The following PER1 variants were observed in gnomAD, a reference collection of about 807,000 sequenced individuals.
PER1 encodes the protein period circadian regulator 1.
Under a neutral mutation model 125.9 loss-of-function variants are expected in PER1, and 87 were observed. The observed-to-expected ratio is 0.69, with a 90% CI of 0.58 to 0.83. PER1 has a LOEUF of 0.83. PER1 is among the 40% of genes least tolerant of loss of function. The pLI, the probability that PER1 is intolerant of heterozygous loss-of-function variation, is 0.00. For synonymous variants in PER1, 801 were observed against 714.7 expected (o/e 1.12, Z -1.93); for missense variants, 1,775 against 1,722.8 (o/e 1.03, Z -0.54).
rs904400300 is a variant in PER1, at chr17:8,142,198, C to G, written c.3449+71G>C. 6 of 1,303,720 alleles carry G rather than the reference C, an allele frequency of 4.6e-6. No homozygotes were observed. The African/African-American group carries it at 7.4e-5, about 16-fold the overall frequency. The allele number at this position is 1,303,720 out of a possible 1,614,324, so 80.8% of individuals were successfully genotyped here. The stretch of plus-strand genomic sequence containing the variant: ...TTTATCCTATCCAGGGCAGAGCCAG[C>G]CCCAGAAAAGAAAACTGCCCCCACT... On this transcript the variant is annotated intron_variant, in intron 21 of 22. Transcript: ENST00000317276.
At chr17:8,146,339 G>C in intron 16 of PER1, 33 bp downstream of exon 16, 2 of 1,575,692 alleles carry the variant, frequency 1.3e-6, no homozygotes, top group African/African-American at 2.7e-5. Flanking sequence ...GGCCAGGACG[G>C]GGCAGTGGGA....
At position 8,150,495 on chromosome 17, in the gene PER1, T is replaced by G; in HGVS notation, c.212A>C (p.His71Pro). Residue 71 changes from histidine to proline, a missense_variant, in exon 2 of 23, where the codon CAC (histidine) becomes CCC (proline). By Grantham distance (77) the His-to-Pro change is moderately conservative. Transcript: ENST00000317276. The part of the protein sequence containing the change: ...ESRGASQRSS[H>P]SSSSGNGKDS... Reference sequence around the variant, plus strand: ...CTTGCCGTTGCCTGAGGAGGAGCTGTGTGAGCTCCGCTGAGATGCGCCTCT... The same window carrying G: ...CTTGCCGTTGCCTGAGGAGGAGCTGGGTGAGCTCCGCTGAGATGCGCCTCT... 6.2e-7 allele frequency: 1 copy of G among 1,614,062 alleles called. No individual in the cohort carries two copies. The highest frequency in any genetic ancestry group is 8.5e-7 in the Non-Finnish European group (1 of 1,179,958).
rs780199364 is a variant in PER1 at position 8,147,268 on chromosome 17, C to G, written c.1611G>C (p.Gly537=). The change falls in exon 13 of 23, where the codon GGG becomes GGC. Residue 537 remains glycine (G), a synonymous_variant. Coordinates refer to ENST00000317276, the MANE Select transcript of PER1 (RefSeq NM_002616.3). ...SSDSNGGDAE[G]PGPPAPVTFQ... ...CACTCACTGGCGCAGGAGGCCCAGG[C>G]CCCTCTGCATCACCCCCGTTGCTAT... The G allele has an allele frequency of 6.2e-7, 1 of 1,610,912 alleles. No homozygotes were observed. Among genetic ancestry groups the G allele is most frequent in the Non-Finnish European group, 8.5e-7 (1 of 1,178,712 alleles).
At position 8,142,687 on chromosome 17, in the gene PER1, C is replaced by A; in HGVS notation, c.3221G>T (p.Gly1074Val). ...TGAGGTGCTGCCCCCTTCATGGGAG[C>A]CTGAACCAGACCCAGAGCCCAAGCC... ...GSGLGSGSGSGSHEGGSTSAS... is the reference protein window; with the variant it reads ...GSGLGSGSGSVSHEGGSTSAS... Residue 1074 changes from glycine (G) to valine (V), a missense_variant, in exon 20 of 23, where the codon GGC becomes GTC. Transcript: ENST00000317276. 6.2e-7 allele frequency: 1 copy of A among 1,613,988 alleles called. No individual in the cohort carries two copies.
At position 8,142,829 on chromosome 17, in the gene PER1, C is replaced by A. The variant is rs12937495; in HGVS notation, c.3079G>T (p.Val1027Phe). 11 of 1,598,604 alleles carry A rather than the reference C, an allele frequency of 6.9e-6. No individual in the cohort carries two copies. Among genetic ancestry groups the A allele is most frequent in the Non-Finnish European group, 8.5e-6 (10 of 1,174,954 alleles). ...AAEPEARLAE[V>F]TESSNQDALS... ...GCGTCCTGATTGGAGGACTCAGTGA[C>A]CTCCGCCTGGAGGAGGGGAGGGGGG... Residue 1027 changes from valine to phenylalanine, a missense_variant, in exon 20 of 23, where the codon GTC (valine) becomes TTC (phenylalanine). Physicochemically the swap from Val to Phe is conservative, Grantham distance 50. Transcript: ENST00000317276.
In PER1 at chr17:8,146,515, A is replaced by G. The variant is rs1211733055; in HGVS notation, c.1908-13T>C. The G allele has an allele frequency of 6.2e-7, 1 of 1,610,550 alleles. No homozygotes were observed. Among genetic ancestry groups the G allele is most frequent in the East Asian group, 2.2e-5 (1 of 44,866 alleles). The stretch of plus-strand genomic sequence containing the variant: ...GCTCTCCAGGTACCTGGGGATGGAC[A>G]CAGCACAGGGCATCAGAGCAGGGCT... On this transcript the variant is annotated splice_polypyrimidine_tract_variant and intron_variant, in intron 15 of 22. Coordinates refer to ENST00000317276, the MANE Select transcript of PER1 (RefSeq NM_002616.3).
At position 8,149,891 on chromosome 17, in the gene PER1, C is replaced by T. The variant is rs1263473557; in HGVS notation, c.530-15G>A. Reference sequence around the variant, plus strand: ...TTCCTGGTTGGCTGCAGAGTGGAGGCAGTGAGGCATTCAGTAAGGAGGCTG... The same window carrying T: ...TTCCTGGTTGGCTGCAGAGTGGAGGTAGTGAGGCATTCAGTAAGGAGGCTG... On this transcript the variant is annotated splice_polypyrimidine_tract_variant and intron_variant, in intron 4 of 22. Coordinates refer to ENST00000317276, the MANE Select transcript of PER1 (RefSeq NM_002616.3). 3 of 1,614,006 alleles carry T rather than the reference C, an allele frequency of 1.9e-6. No individual in the cohort carries two copies. The highest frequency in any genetic ancestry group is 1.1e-5 in the South Asian group (1 of 91,090).
At chr17:8,145,872 C>A in intron 17 of PER1, 86 bp downstream of exon 17, 1 of 1,450,896 alleles carries the variant, frequency 6.9e-7, no homozygotes, top group Non-Finnish European at 9.3e-7. Context: ...TCCATCAGGC[C>A]CTAGAGGGGA....
Position 8,142,849 on chromosome 17 carries a change from G to A in PER1, c.3073-14C>T, listed in dbSNP as rs770940191. 5.1e-6 allele frequency: 8 copies of A among 1,570,946 alleles called. No homozygotes were observed. Among genetic ancestry groups the A allele is most frequent in the South Asian group, 2.3e-5 (2 of 88,390 alleles). The stretch of plus-strand genomic sequence containing the variant: ...AGTGACCTCCGCCTGGAGGAGGGGA[G>A]GGGGGCAAGGAGGGATGGAGGGGTC... On this transcript the variant is annotated splice_polypyrimidine_tract_variant and intron_variant, in intron 19 of 22. Transcript: ENST00000317276.
chr17:8,141,470 G>T, intron 22 of PER1, 130 bp from the exon 23 acceptor site: 1 of 1,090,360 alleles, frequency 9.2e-7, no homozygotes, highest in African/African-American at 1.6e-5. Context: ...CCACACAGAT[G>T]CACCTGCGGT....
rs1647518580 is a variant in PER1, at chr17:8,146,751, T to C, written c.1750A>G (p.Lys584Glu). 6.2e-7 allele frequency: 1 copy of C among 1,611,382 alleles called. No individual in the cohort carries two copies. Among genetic ancestry groups the C allele is most frequent in the Non-Finnish European group, 8.5e-7 (1 of 1,179,136 alleles). Residue 584 changes from lysine (K) to glutamate (E), a missense_variant, in exon 15 of 23, where the codon AAG (lysine) becomes GAG (glutamate). Lys to Glu is a moderately conservative substitution (Grantham distance 56, BLOSUM62 1). Transcript: ENST00000317276. ...GATTGGCAGGGAAGGGCCTTGGCCT[T>C]GAACGTGCCTGTAGCTGGGGCAAAG... ...RPRLPATGTF[K>E]AKALPCQSPD...
Position 8,146,900 on chromosome 17 carries a change from G to A in PER1, c.1732C>T (p.Pro578Ser). ...RARPQSRPRL[P>S]ATGTFKAKAL... is the part of the protein sequence containing the mutation. ...CCACACATCATCATCAACTCACCAG[G>A]GAGGCGGGGCCGGGACTGAGGCCGG... The change falls in exon 14 of 23, where the codon CCT (proline) becomes TCT (serine). Residue 578 changes from proline to serine, a missense_variant. By Grantham distance (74) the Pro-to-Ser change is moderately conservative. Coordinates refer to ENST00000317276, the MANE Select transcript of PER1 (RefSeq NM_002616.3). 1 of 1,613,752 alleles carries A rather than the reference G, an allele frequency of 6.2e-7. No individual in the cohort carries two copies. Among genetic ancestry groups the A allele is most frequent in the Non-Finnish European group, 8.5e-7 (1 of 1,179,822 alleles).
chr17:8,143,744 G>A lies in PER1; in HGVS notation c.2594C>T (p.Ser865Phe). The A allele has an allele frequency of 6.5e-7, 1 of 1,536,572 alleles. No individual in the cohort carries two copies. The highest frequency in any genetic ancestry group is 8.9e-7 in the Non-Finnish European group (1 of 1,126,728). The change falls in exon 19 of 23, where the codon TCC becomes TTC. Residue 865 changes from serine (S) to phenylalanine (F), a missense_variant. Ser to Phe is a radical substitution (Grantham distance 155). Coordinates refer to ENST00000317276, the MANE Select transcript of PER1 (RefSeq NM_002616.3). The stretch of plus-strand genomic sequence containing the variant: ...GGCTGGTGGGGTGGGCCAGGGGGTG[G>A]AGGGTGGCACGGGTGAGGGGTGTGA... The part of the protein sequence containing the change: ...YVSHPSPVPP[S>F]TPWPTPPATT...
chr17:8,146,421 A>G lies in PER1; in HGVS notation c.1989T>C (p.Ser663=). 6.2e-7 allele frequency: 1 copy of G among 1,613,634 alleles called. No homozygotes were observed. The highest frequency in any genetic ancestry group is 8.5e-7 in the Non-Finnish European group (1 of 1,179,820). The change falls in exon 16 of 23, where the codon TCT becomes TCC. Residue 663 remains serine (S), a synonymous_variant. Coordinates refer to ENST00000317276, the MANE Select transcript of PER1 (RefSeq NM_002616.3). Reference sequence around the variant, plus strand: ...GACCTGTCCTCTGCCTGTCGTCGTCAGAGGCTGAGGAGGTGGTATAGGAGG... The same window carrying G: ...GACCTGTCCTCTGCCTGTCGTCGTCGGAGGCTGAGGAGGTGGTATAGGAGG... ...SSSSYTTSSA[S]DDDRQRTGPV... is the part of the protein sequence containing the mutation.
Position 8,143,491 on chromosome 17 carries a change from A to T in PER1, c.2847T>A (p.Pro949=). 4 of 1,584,372 alleles carry T rather than the reference A, an allele frequency of 2.5e-6. No homozygotes were observed. Among genetic ancestry groups the T allele is most frequent in the Non-Finnish European group, 3.4e-6 (4 of 1,163,334 alleles). ...AGGATGGAGAAGGGGAGTGCGAGGC[A>T]GGAGTGGGAGGCCCTTCAGCAGGGG... ...LQTPAEGPPT[P]ASHSPSPSLP... is the part of the protein sequence containing the mutation. The change falls in exon 19 of 23, where the codon CCT becomes CCA. Residue 949 remains proline, a synonymous_variant. Coordinates refer to ENST00000317276, the MANE Select transcript of PER1 (RefSeq NM_002616.3).
intron 13 of PER1, 107 bp downstream of exon 13, chr17:8,147,143 G>A: frequency 1.4e-6 from 2 of 1,451,106 alleles, no homozygotes; most frequent in Non-Finnish European, 1.9e-6. Context: ...AAGGCAGGAA[G>A]GAGAGGGCAA....
At position 8,142,273 on chromosome 17, in the gene PER1, A is replaced by T; in HGVS notation, c.3445T>A (p.Ser1149Thr). Residue 1149 changes from serine to threonine, a missense_variant, in exon 21 of 23, where the codon TCC becomes ACC. Coordinates refer to ENST00000317276, the MANE Select transcript of PER1 (RefSeq NM_002616.3). ...AAGGCCTCTGAAATGCCTCACCTGGAGGGCACCTGGTAGGTCATCATGACG... is the reference window on the plus strand; with the variant it reads ...AAGGCCTCTGAAATGCCTCACCTGGTGGGCACCTGGTAGGTCATCATGACG... ...QRVMMTYQVP[S>T]RDMTSVLKQD... 1 of 1,589,050 alleles carries T rather than the reference A, an allele frequency of 6.3e-7. No homozygotes were observed. Among genetic ancestry groups the T allele is most frequent in the South Asian group, 1.1e-5 (1 of 87,528 alleles).
chr17:8,146,115 A>G lies in PER1; in HGVS notation c.2061T>C (p.Ser687=). 1 of 1,609,084 alleles carries G rather than the reference A, an allele frequency of 6.2e-7. No homozygotes were observed. The highest frequency in any genetic ancestry group is 1.1e-5 in the South Asian group (1 of 90,338). The change falls in exon 17 of 23, where the codon TCT becomes TCC. Residue 687 remains serine, a synonymous_variant. Coordinates refer to ENST00000317276, the MANE Select transcript of PER1 (RefSeq NM_002616.3). ...CCTTCCGTGGGGTGGCCCCCTCCCC[A>G]GACAGCGCTGCTGACGGCGGATCTG... The part of the protein sequence containing the change: ...TKKDPPSAAL[S]GEGATPRKEP...
chr17:8,140,683 G>A lies in PER1; in HGVS notation c.*385C>T, dbSNP rs942107000. ...TGGGCCTCAGGCTCTCCTCCCATCT[G>A]GGGAGGAGGTGGGAGAGAGAGCTGT... On this transcript the variant is annotated 3_prime_UTR_variant, in exon 23 of 23. Transcript: ENST00000317276. 2.8e-5 allele frequency: 7 copies of A among 253,428 alleles called. No homozygotes were observed. The highest frequency in any genetic ancestry group is 5.4e-5 in the Non-Finnish European group (7 of 128,726). The allele number at this position is 253,428 out of a possible 1,614,324, so 15.7% of individuals were successfully genotyped here. A position where few individuals can be genotyped will look rare whatever the true frequency, so the allele number is the denominator to read the frequency against.
Sources: allele counts gnomAD v4.1 joint callset, GRCh38; gene constraint gnomAD v4.1.1; transcripts MANE v1.5; gene names NCBI Gene and HGNC (gene_info 2026-07-23, HGNC 2026-07-21).